DCDC2: variants seen among roughly 807,000 people sequenced by gnomAD.
DCDC2 encodes the protein doublecortin domain containing 2.
In DCDC2, 40 loss-of-function variants were observed where a neutral mutation model predicts 50.2. That is an observed-to-expected ratio of 0.80 (90% CI 0.62 to 1.04). DCDC2 has a LOEUF of 1.04. Among genes scored for constraint, DCDC2 ranks in the 50% least tolerant of loss-of-function variants. The pLI, the probability that DCDC2 is intolerant of heterozygous loss-of-function variation, is 0.00. For missense variants in DCDC2, 570 were observed against 581.9 expected (o/e 0.98, Z 0.21); for synonymous variants, 234 against 210.6 (o/e 1.11, Z -0.96).
chr6:24,285,616 GTA>G (rs1287392419), intron 6 of DCDC2, among the ~76,000 whole-genome samples: 1 of 152,148 alleles, frequency 6.6e-6, no homozygotes, highest in East Asian at 1.9e-4. Flanking sequence ...TGACATTGAT[GTA>G]TCACAGTATT....
chr6:24,319,923 T>C lies in DCDC2; in HGVS notation c.349-17879A>G, dbSNP rs1021418397. Among the ~76,000 whole-genome samples, 14 of 152,124 alleles carry C rather than the reference T, an allele frequency of 9.2e-5. No individual in the cohort carries two copies. The East Asian group carries it at 1.2e-3, about 13-fold the overall frequency. On this transcript the variant is annotated intron_variant, in intron 2 of 9. Coordinates refer to ENST00000378454, the MANE Select transcript of DCDC2 (RefSeq NM_016356.5). ...GGCAAATAATTAAAACCAACCAAAA[T>C]ATAGGAGGAACACAAAATAGAAAGA... is the stretch of plus-strand genomic sequence containing the variant.
At chr6:24,303,560 A>C (rs928534806) in intron 2 of DCDC2, among the ~76,000 whole-genome samples, 2 of 152,178 alleles carry the variant, frequency 1.3e-5, no homozygotes, top group African/African-American at 2.4e-5. Context: ...TTTCTGTCTC[A>C]AACTGCTACA....
intron 9 of DCDC2, among the ~76,000 whole-genome samples, chr6:24,176,586 A>G (rs1760919308): frequency 6.6e-6 from 1 of 152,236 alleles, no homozygotes; most frequent in African/African-American, 2.4e-5. Context: ...GTTAATTAAC[A>G]TACACCTTAC....
At chr6:24,209,017 T>C (rs1761794326) in intron 7 of DCDC2, among the ~76,000 whole-genome samples, 1 of 152,118 alleles carries the variant, frequency 6.6e-6, no homozygotes, top group Non-Finnish European at 1.5e-5. Flanking sequence ...AATTAGAAAA[T>C]TAAAATCATT....
rs367680101 is a variant in DCDC2, at chr6:24,306,289, G to A, written c.349-4245C>T. Among the ~76,000 whole-genome samples the A allele has an allele frequency of 5.9e-5, 9 of 152,066 alleles. No individual in the cohort carries two copies. The East Asian group carries it at 1.2e-3, about 20-fold the overall frequency. On this transcript the variant is annotated intron_variant, in intron 2 of 9. Transcript: ENST00000378454. ...CTTTGTACTTTGACTTTGTCATTTG[G>A]TGAAGGAATCAACACCAAGCAAAAG...
intron 7 of DCDC2, among the ~76,000 whole-genome samples, chr6:24,219,752 G>A (rs1178111371): frequency 6.6e-6 from 1 of 152,142 alleles, no homozygotes; most frequent in Non-Finnish European, 1.5e-5. Flanking sequence ...TGTGTGCTTT[G>A]TAAGTGAAGT....
chr6:24,359,020 T>A (rs189752100), upstream of DCDC2, among the ~76,000 whole-genome samples: 6,541 of 43,926 alleles, frequency 0.15, 561 homozygotes, highest in East Asian at 0.49. Context: ...ATTATATATT[T>A]TATATTTTAT....
At position 24,177,387 on chromosome 6, in the gene DCDC2, G is replaced by A. The variant is rs1305442524; in HGVS notation, c.1326+943C>T. 5.3e-5 allele frequency among the ~76,000 whole-genome samples: 8 copies of A among 152,188 alleles called. No individual in the cohort carries two copies. The East Asian group carries it at 1.5e-3, about 29-fold the overall frequency. On this transcript the variant is annotated intron_variant, in intron 9 of 9. Transcript: ENST00000378454. Reference sequence around the variant, plus strand: ...TTTGCATTTTGCCACCGCTAAACTTGCTTTCCCTAAGCAAGATAAATCAGA... The same window carrying A: ...TTTGCATTTTGCCACCGCTAAACTTACTTTCCCTAAGCAAGATAAATCAGA...
At chr6:24,199,251 A>G (rs1262027485) in intron 8 of DCDC2, among the ~76,000 whole-genome samples, 1 of 152,200 alleles carries the variant, frequency 6.6e-6, no homozygotes, top group African/African-American at 2.4e-5. Flanking sequence ...GACACCTCAT[A>G]ACAGGAGAGC....
the DCDC2 span, among the ~76,000 whole-genome samples, chr6:24,374,927 G>A: frequency 6.6e-6 from 1 of 152,162 alleles, no homozygotes; most frequent in Non-Finnish European, 1.5e-5. Flanking sequence ...CCCAGCTTGT[G>A]GTGACCAGTG....
rs774708628 is a variant in DCDC2, at chr6:24,254,791, GGTTA to G, written c.922+23254_922+23257del. Among the ~76,000 whole-genome samples the G allele has an allele frequency of 3.9e-4, 59 of 150,924 alleles. 1 individual carries two copies. Among genetic ancestry groups the G allele is most frequent in the Middle Eastern group, 6.3e-3 (2 of 316 alleles). On this transcript the variant is annotated intron_variant, in intron 7 of 9. Transcript: ENST00000378454. Reference sequence around the variant, plus strand: ...CAGCCAATTTATTCCAGAAATGCAAGGTTAGTTTGATATCCCAAAAATCAATGTA... The same window carrying G: ...CAGCCAATTTATTCCAGAAATGCAAGGTTTGATATCCCAAAAATCAATGTA...
chr6:24,350,506 A>G (rs1393682202), intron 2 of DCDC2, among the ~76,000 whole-genome samples: 1 of 152,184 alleles, frequency 6.6e-6, no homozygotes, highest in South Asian at 2.1e-4. Flanking sequence ...TGAATTGTGT[A>G]TACTGGGGTG....
intron 8 of DCDC2, among the ~76,000 whole-genome samples, chr6:24,204,290 C>A (rs369005639): frequency 5.0e-4 from 76 of 152,196 alleles, no homozygotes; most frequent in African/African-American, 1.8e-3. Flanking sequence ...ATATACACCA[C>A]GGAATACTAT....
Position 24,357,550 on chromosome 6 carries a change from G to T in DCDC2, c.201C>A (p.Thr67=). ...APFGAVRNIY[T]PRTGHRIRKL... is the part of the protein sequence containing the mutation. Reference sequence around the variant, plus strand: ...TCCGGATTCGGTGGCCAGTCCGCGGGGTGTAGATGTTCCTGACGGCCCCAA... The same window carrying T: ...TCCGGATTCGGTGGCCAGTCCGCGGTGTGTAGATGTTCCTGACGGCCCCAA... The change falls in exon 1 of 10, where the codon ACC becomes ACA. Residue 67 remains threonine, a synonymous_variant. Coordinates refer to ENST00000378454, the MANE Select transcript of DCDC2 (RefSeq NM_016356.5). 6.2e-7 allele frequency: 1 copy of T among 1,613,530 alleles called. No individual in the cohort carries two copies. Among genetic ancestry groups the T allele is most frequent in the South Asian group, 1.1e-5 (1 of 91,088 alleles).
At chr6:24,363,033 C>T (rs573544497), upstream of DCDC2, among the ~76,000 whole-genome samples, 33 of 152,054 alleles carry the variant, frequency 2.2e-4, no homozygotes, top group Non-Finnish European at 4.0e-4. Context: ...GAGCGGAATG[C>T]TAAGGAATGA....
chr6:24,243,507 T>C (rs1762606710), intron 7 of DCDC2, among the ~76,000 whole-genome samples: 1 of 152,228 alleles, frequency 6.6e-6, no homozygotes, highest in South Asian at 2.1e-4. Context: ...GTGTTTAAAA[T>C]GCTCGGAATA....
the DCDC2 span, among the ~76,000 whole-genome samples, chr6:24,378,117 T>C: frequency 6.6e-6 from 1 of 152,232 alleles, no homozygotes; most frequent in Non-Finnish European, 1.5e-5. Flanking sequence ...CTAAATATTA[T>C]GTAAACAGAA....
intron 8 of DCDC2, among the ~76,000 whole-genome samples, chr6:24,186,317 G>A (rs763123863): frequency 2.6e-5 from 4 of 152,196 alleles, no homozygotes; most frequent in African/African-American, 9.6e-5. Flanking sequence ...TTCACATGCA[G>A]TTTCTCATTT....
At chr6:24,249,794 T>C (rs1349426672) in intron 7 of DCDC2, among the ~76,000 whole-genome samples, 1 of 152,164 alleles carries the variant, frequency 6.6e-6, no homozygotes, top group Non-Finnish European at 1.5e-5. Context: ...GTCGAGTGAG[T>C]GTGGTCCCTC....
Sources: allele counts gnomAD v4.1 joint callset (sites outside exome capture counted in the v4.1 genomes callset), GRCh38; gene constraint gnomAD v4.1.1; transcripts MANE v1.5; gene names NCBI Gene and HGNC (gene_info 2026-07-23, HGNC 2026-07-21).